RAPGEF4: variants seen among roughly 807,000 people sequenced by gnomAD.
RAPGEF4 encodes the protein Rap guanine nucleotide exchange factor 4, also known as RAP guanine-nucleotide-exchange factor (GEF) 4.
In RAPGEF4, 66 loss-of-function variants were observed where a neutral mutation model predicts 147.9. The observed-to-expected ratio is 0.45, with a 90% CI of 0.37 to 0.55. The LOEUF (loss-of-function observed/expected upper bound fraction) is 0.55, where lower values mean the gene tolerates loss of function less well. Among genes scored for constraint, RAPGEF4 ranks in the 20% least tolerant of loss-of-function variants. RAPGEF4 has a pLI of 0.00. For missense variants in RAPGEF4, 1,071 were observed against 1,257.3 expected, an observed-to-expected ratio of 0.85 and a Z score of 2.24; for synonymous variants, 419 against 442.7, an observed-to-expected ratio of 0.95 and a Z score of 0.67.
chr2:172,963,232 G>A (rs1031266939), intron 8 of RAPGEF4, among the ~76,000 whole-genome samples: 2 of 152,188 alleles, frequency 1.3e-5, no homozygotes, highest in African/African-American at 4.8e-5. Flanking sequence ...ATTACAATTT[G>A]AGATGAGATT....
intron 4 of RAPGEF4, among the ~76,000 whole-genome samples, chr2:172,888,913 A>G (rs1697559964): frequency 6.6e-6 from 1 of 152,172 alleles, no homozygotes; most frequent in South Asian, 2.1e-4. Flanking sequence ...TTGACCTGGC[A>G]GAGAGCCCAG....
intron 4 of RAPGEF4, among the ~76,000 whole-genome samples, chr2:172,876,452 G>T (rs1695933803): frequency 6.6e-6 from 1 of 152,038 alleles, no homozygotes; most frequent in Non-Finnish European, 1.5e-5. Context: ...AGAGTTTTTA[G>T]CATGAAGGGC....
At chr2:172,835,791 C>A (rs1479312419) in intron 4 of RAPGEF4, among the ~76,000 whole-genome samples, 3 of 152,094 alleles carry the variant, frequency 2.0e-5, no homozygotes, top group Admixed American at 6.5e-5. Context: ...TTTCAAATAA[C>A]AACAATCTCT....
At chr2:172,915,396 A>G (rs975495448) in intron 4 of RAPGEF4, among the ~76,000 whole-genome samples, 1 of 152,180 alleles carries the variant, frequency 6.6e-6, no homozygotes, top group African/African-American at 2.4e-5. Flanking sequence ...TGAAATAATT[A>G]TGGATTAAAT....
intron 4 of RAPGEF4, among the ~76,000 whole-genome samples, chr2:172,816,373 G>T (rs574853450): frequency 6.6e-6 from 1 of 151,660 alleles, no homozygotes; most frequent in African/African-American, 2.4e-5. Flanking sequence ...TTCAAGATTT[G>T]TCTGATTGTT....
chr2:173,018,787 A>G lies in RAPGEF4; in HGVS notation c.2140A>G (p.Met714Val). The G allele has an allele frequency of 6.2e-7, 1 of 1,613,718 alleles. No individual in the cohort carries two copies. The highest frequency in any genetic ancestry group is 8.5e-7 in the Non-Finnish European group (1 of 1,179,936). The change falls in exon 22 of 31, where the codon ATG becomes GTG. Residue 714 changes from methionine (M) to valine (V), a missense_variant. Met to Val is a conservative substitution (Grantham distance 21). Transcript: ENST00000397081. The part of the protein sequence containing the change: ...GSGEGLIIVK[M>V]SSGGEKVVLK... ...CGGGGAGGGCCTGATCATAGTCAAG[A>G]TGAGTTCCGGAGGAGGTAACAGTCT...
At chr2:172,791,791 T>C (rs1262777380) in intron 1 of RAPGEF4, among the ~76,000 whole-genome samples, 1 of 152,214 alleles carries the variant, frequency 6.6e-6, no homozygotes, top group Non-Finnish European at 1.5e-5. Flanking sequence ...TCTGTGCTTG[T>C]TTTGGACTGT....
At chr2:172,938,401 C>T (rs1374054881) in intron 6 of RAPGEF4, among the ~76,000 whole-genome samples, 1 of 152,184 alleles carries the variant, frequency 6.6e-6, no homozygotes, top group Non-Finnish European at 1.5e-5. Flanking sequence ...CCATCTGCCA[C>T]CTATTTATTT....
intron 1 of RAPGEF4, among the ~76,000 whole-genome samples, chr2:172,775,967 T>A (rs1386362832): frequency 6.6e-6 from 1 of 152,198 alleles, no homozygotes; most frequent in Non-Finnish European, 1.5e-5. Context: ...AAGAGTACTT[T>A]ATTCTAGCCA....
At chr2:172,763,314 A>G (rs1377349381) in intron 1 of RAPGEF4, among the ~76,000 whole-genome samples, 1 of 152,204 alleles carries the variant, frequency 6.6e-6, no homozygotes, top group Non-Finnish European at 1.5e-5. Context: ...TCATATATTG[A>G]ACAATGTGCT....
At chr2:172,953,281 TTC>T (rs1688398759) in intron 6 of RAPGEF4, among the ~76,000 whole-genome samples, 1 of 147,732 alleles carries the variant, frequency 6.8e-6, no homozygotes, top group Non-Finnish European at 1.5e-5. Flanking sequence ...TATGTAATAG[TTC>T]TCTCTATATA....
At chr2:172,865,754 G>A (rs377016925) in intron 4 of RAPGEF4, among the ~76,000 whole-genome samples, 4 of 152,048 alleles carry the variant, frequency 2.6e-5, no homozygotes, top group South Asian at 2.1e-4. Flanking sequence ...CCATCAGGAC[G>A]AGTCATAGAT....
intron 4 of RAPGEF4, among the ~76,000 whole-genome samples, chr2:172,911,495 G>C (rs775613266): frequency 6.6e-6 from 1 of 152,000 alleles, no homozygotes; most frequent in Admixed American, 6.6e-5. Flanking sequence ...GTCTCACTCC[G>C]TCACCTAGTC....
At chr2:172,784,513 T>TAAA (rs368318278) in intron 1 of RAPGEF4, among the ~76,000 whole-genome samples, 2 of 132,992 alleles carry the variant, frequency 1.5e-5, no homozygotes, top group African/African-American at 5.6e-5. Flanking sequence ...GCGAAACTCT[T>TAAA]AAAAAAAAAA....
intron 3 of RAPGEF4, among the ~76,000 whole-genome samples, chr2:172,805,204 G>A (rs970976097): frequency 1.3e-5 from 2 of 152,156 alleles, no homozygotes; most frequent in Non-Finnish European, 2.9e-5. Flanking sequence ...GAGACTGGAG[G>A]GGAGACAATG....
chr2:173,014,339 G>C (rs372616722), intron 17 of RAPGEF4, 125 bp from the exon 18 acceptor site: 1 of 1,200,826 alleles, frequency 8.3e-7, no homozygotes, highest in Non-Finnish European at 1.2e-6. Context: ...TGAGGGCCTA[G>C]GGGAGGAATT....
Position 173,040,781 on chromosome 2 carries a change from G to C in RAPGEF4, c.2853+4089G>C, listed in dbSNP as rs7559002. Among the ~76,000 whole-genome samples, 518 of 152,262 alleles carry C rather than the reference G, an allele frequency of 3.4e-3. 6 individuals carry two copies. The highest frequency in any genetic ancestry group is 0.012 in the African/African-American group (497 of 41,552). On this transcript the variant is annotated intron_variant, in intron 29 of 30. Transcript: ENST00000397081. ...AAAAGAGAATTCACACCCTAATCCT[G>C]ATGCCAAAAAAAGCAGACATTCTTT...
chr2:172,745,049 A>T lies in RAPGEF4; in HGVS notation c.65+9001A>T, dbSNP rs113750090. On this transcript the variant is annotated intron_variant, in intron 1 of 30. Transcript: ENST00000397081. The stretch of plus-strand genomic sequence containing the variant: ...ACTTTCATGTCAATTCATGAGGGAT[A>T]TTAGCCTATAACTTTCTTTTCTTAT... Among the ~76,000 whole-genome samples the T allele has an allele frequency of 1.2e-4, 18 of 152,276 alleles. 2 individuals carry two copies. Among genetic ancestry groups the T allele is most frequent in the African/African-American group, 4.3e-4 (18 of 41,590 alleles).
intron 4 of RAPGEF4, among the ~76,000 whole-genome samples, chr2:172,869,340 A>G (rs912430044): frequency 1.3e-5 from 2 of 152,206 alleles, no homozygotes; most frequent in African/African-American, 4.8e-5. Flanking sequence ...AAAAAAATTA[A>G]TATGTGCTTT....
Sources: gnomAD v4.1 joint callset for allele counts (sites outside exome capture counted in the v4.1 genomes callset) on GRCh38, gnomAD v4.1.1 for gene constraint, MANE v1.5 for transcripts, NCBI Gene and HGNC (gene_info 2026-07-23, HGNC 2026-07-21) for gene names.